The following TMEM71 variants were observed in gnomAD, a reference collection of about 807,000 sequenced individuals.
The protein encoded by TMEM71 is transmembrane protein 71.
Under a neutral mutation model 38.0 loss-of-function variants are expected in TMEM71, and 44 were observed. The observed-to-expected ratio is 1.16, with a 90% CI of 0.91 to 1.49. The LOEUF (loss-of-function observed/expected upper bound fraction) is 1.49. Ranked by LOEUF, TMEM71 falls within the 40% of genes most tolerant of loss-of-function variation. The pLI, the probability that TMEM71 is intolerant of heterozygous loss-of-function variation, is 0.00. For synonymous variants in TMEM71, 133 were observed against 122.5 expected (o/e 1.09, Z -0.56); for missense variants, 367 against 348.6 (o/e 1.05, Z -0.42).
At chr8:132,745,859 CT>C (rs1255340257) in intron 5 of TMEM71, among the ~76,000 whole-genome samples, 1 of 151,686 alleles carries the variant, frequency 6.6e-6, no homozygotes, top group Non-Finnish European at 1.5e-5. Context: ...AAATCATGCC[CT>C]TTGCAGCAAC....
At chr8:132,739,059 T>TA (rs200471115) in intron 5 of TMEM71, among the ~76,000 whole-genome samples, 27 of 151,570 alleles carry the variant, frequency 1.8e-4, no homozygotes, top group Middle Eastern at 6.8e-3. Flanking sequence ...TACTGAAAAT[T>TA]AAAAAAAAAT....
upstream of TMEM71, among the ~76,000 whole-genome samples, chr8:132,765,525 T>C (rs571441990): frequency 1.2e-4 from 18 of 152,260 alleles, no homozygotes; most frequent in Admixed American, 6.5e-4. Flanking sequence ...AGATGCGTGT[T>C]CCAGATGGTT....
chr8:132,715,465 T>C (rs115373217), intron 7 of TMEM71, among the ~76,000 whole-genome samples: 268 of 132,916 alleles, frequency 2.0e-3, no homozygotes, highest in African/African-American at 7.6e-3. Context: ...AGTTGGAAGA[T>C]AGTTTGGCCC....
In TMEM71 at chr8:132,746,004, T is replaced by C. The variant is rs956441629; in HGVS notation, c.487+938A>G. Among the ~76,000 whole-genome samples the C allele has an allele frequency of 4.9e-5, 7 of 143,458 alleles. No homozygotes were observed. The South Asian group carries it at 1.4e-3, about 29-fold the overall frequency. 94.1% of individuals were successfully genotyped at this position (143,458 alleles called of 152,430 possible). A position where few individuals can be genotyped will look rare whatever the true frequency, so the allele number is the denominator to read the frequency against. The stretch of plus-strand genomic sequence containing the variant: ...ATATAAAGATGGCAACAATAGATAC[T>C]GGGGCTACTAGATGGGGGAGAGAGA... On this transcript the variant is annotated intron_variant, in intron 5 of 9. Coordinates refer to ENST00000677595, the MANE Select transcript of TMEM71 (RefSeq NM_001382403.1).
chr8:132,731,197 T>G (rs570076781), intron 5 of TMEM71, among the ~76,000 whole-genome samples: 1 of 152,124 alleles, frequency 6.6e-6, no homozygotes, highest in African/African-American at 2.4e-5. Context: ...TACCAACATA[T>G]AGTTTAGATG....
In TMEM71 at chr8:132,710,595, C is replaced by G. The variant is rs1586780271; in HGVS notation, c.*372G>C. The stretch of plus-strand genomic sequence containing the variant: ...AAGAGATAGGTGCATGTGGCAGACC[C>G]AGAAATCTGGTTACAAGCTCCTCAC... On this transcript the variant is annotated 3_prime_UTR_variant, in exon 10 of 10. Transcript: ENST00000677595. 2.2e-6 allele frequency: 1 copy of G among 454,414 alleles called. No individual in the cohort carries two copies. The allele number at this position is 454,414 out of a possible 1,614,324, so 28.1% of individuals were successfully genotyped here. A position where few individuals can be genotyped will look rare whatever the true frequency, so the allele number is the denominator to read the frequency against.
chr8:132,752,376 T>C (rs1468563099), intron 3 of TMEM71, among the ~76,000 whole-genome samples: 1 of 152,204 alleles, frequency 6.6e-6, no homozygotes, highest in Non-Finnish European at 1.5e-5. Context: ...TCTTTAATCT[T>C]GTCACTGTAG....
intron 2 of TMEM71, chr8:132,758,480 C>T (rs980202172): frequency 6.1e-5 from 12 of 195,988 alleles, no homozygotes; most frequent in African/African-American, 2.6e-4. Flanking sequence ...AAACCACTAC[C>T]GTTTTAACAG....
intron 7 of TMEM71, among the ~76,000 whole-genome samples, chr8:132,721,092 C>T (rs571232090): frequency 3.3e-5 from 5 of 152,082 alleles, no homozygotes; most frequent in African/African-American, 4.8e-5. Flanking sequence ...GACATTTGAA[C>T]GGATTTTGTA....
chr8:132,727,848 G>T lies in TMEM71; in HGVS notation c.626C>A (p.Ser209Tyr), dbSNP rs1380338226. 6.2e-7 allele frequency: 1 copy of T among 1,614,032 alleles called. No homozygotes were observed. ...GAAACGTTCAGAAGCTGTCAACTGG[G>T]ACTGAAGAGACAAGCTATGGGAGTT... ...GGNSHSLSLQ[S>Y]QLTASERFQE... Residue 209 changes from serine to tyrosine, a missense_variant, in exon 6 of 10, where the codon TCC becomes TAC. Physicochemically the swap from Ser to Tyr is moderately radical, Grantham distance 144. Transcript: ENST00000677595.
At chr8:132,741,805 C>A (rs376698034) in intron 5 of TMEM71, among the ~76,000 whole-genome samples, 1 of 152,148 alleles carries the variant, frequency 6.6e-6, no homozygotes, top group African/African-American at 2.4e-5. Context: ...TAACTGTGGG[C>A]GAGCCTGACT....
At chr8:132,736,852 G>A (rs1480103217) in intron 5 of TMEM71, among the ~76,000 whole-genome samples, 1 of 151,834 alleles carries the variant, frequency 6.6e-6, no homozygotes, top group Non-Finnish European at 1.5e-5. Flanking sequence ...AAATTGCTGA[G>A]AGAGCAGTTC....
intron 3 of TMEM71, among the ~76,000 whole-genome samples, chr8:132,753,291 G>A (rs1443255647): frequency 6.6e-6 from 1 of 150,916 alleles, no homozygotes; most frequent in African/African-American, 2.5e-5. Flanking sequence ...TATATTGTCT[G>A]AATATATTTG....
the TMEM71 span, among the ~76,000 whole-genome samples, chr8:132,768,610 T>C: frequency 6.6e-6 from 1 of 152,058 alleles, no homozygotes; most frequent in Non-Finnish European, 1.5e-5. Context: ...AACCAAAGGG[T>C]GTTTCTCCTC....
chr8:132,720,280 T>C (rs1305286622), intron 7 of TMEM71, among the ~76,000 whole-genome samples: 2 of 152,180 alleles, frequency 1.3e-5, no homozygotes, highest in African/African-American at 4.8e-5. Context: ...CTTAAAGGAT[T>C]AAGAGTTAAG....
At chr8:132,727,015 C>G (rs915739807) in intron 6 of TMEM71, among the ~76,000 whole-genome samples, 2 of 152,022 alleles carry the variant, frequency 1.3e-5, no homozygotes, top group Non-Finnish European at 2.9e-5. Context: ...TGCCACCATG[C>G]CCAGCTAATT....
intron 5 of TMEM71, among the ~76,000 whole-genome samples, chr8:132,739,962 C>A (rs1057454593): frequency 2.0e-5 from 3 of 152,194 alleles, no homozygotes; most frequent in Non-Finnish European, 2.9e-5. Context: ...CCAATAGCCT[C>A]TTAACGTGTT....
In TMEM71 at chr8:132,747,063, G is replaced by T. The variant is rs1299035284; in HGVS notation, c.366C>A (p.Asn122Lys). The change falls in exon 5 of 10, where the codon AAC becomes AAA. Residue 122 changes from asparagine (N) to lysine (K), a missense_variant. Transcript: ENST00000677595. ...RICHSFSSLF[N>K]LSTSKSWLHG... ...GCAGCCAAGATTTGGAGGTACTGAG[G>T]TTGAAGAGAGAAGAAAAGGAATGGC... 2 of 1,612,934 alleles carry T rather than the reference G, an allele frequency of 1.2e-6. No homozygotes were observed.
At chr8:132,732,026 A>G (rs1338941212) in intron 5 of TMEM71, among the ~76,000 whole-genome samples, 2 of 152,220 alleles carry the variant, frequency 1.3e-5, no homozygotes, top group Non-Finnish European at 2.9e-5. Context: ...GGCCAGGCAG[A>G]TCTATTTATT....
Sources: allele counts gnomAD v4.1 joint callset (sites outside exome capture counted in the v4.1 genomes callset), GRCh38; gene constraint gnomAD v4.1.1; transcripts MANE v1.5; gene names NCBI Gene and HGNC (gene_info 2026-07-23, HGNC 2026-07-21).